OGFOD3: variants seen among roughly 807,000 people sequenced by gnomAD.
OGFOD3 encodes 2-oxoglutarate and iron-dependent oxygenase domain-containing protein 3.
Under a neutral mutation model 39.8 loss-of-function variants are expected in OGFOD3, and 35 were observed. The ratio of observed to expected loss-of-function variants is 0.88; its 90% CI spans 0.67 to 1.17. The LOEUF (loss-of-function observed/expected upper bound fraction) is 1.17, where lower values mean the gene tolerates loss of function less well. Ranked by LOEUF, OGFOD3 falls within the 50% of genes most tolerant of loss-of-function variation. OGFOD3 has a pLI of 0.00. For missense variants in OGFOD3, 438 were observed against 454.5 expected (o/e 0.96, Z 0.33); for synonymous variants, 200 against 192.0 (o/e 1.04, Z -0.34).
chr17:82,398,051 C>T (rs1045941331), intron 8 of OGFOD3, 145 bp downstream of exon 8: 1 of 1,041,998 alleles, frequency 9.6e-7, no homozygotes, highest in Non-Finnish European at 1.4e-6. Flanking sequence ...GGGACTGGCG[C>T]TAGACCTGGG....
Position 82,415,660 on chromosome 17 carries a change from C to G in OGFOD3, c.75-33G>C, listed in dbSNP as rs1353681660. On this transcript the variant is annotated intron_variant, in intron 1 of 8. Coordinates refer to ENST00000313056, the MANE Select transcript of OGFOD3 (RefSeq NM_024648.3). The surrounding 1 kb of genome is among the most constrained non-coding windows in gnomAD (Gnocchi z 5.3). ...CAGAAAACAGGCCACGTCACCCAAA[C>G]ACGGAGTGAGGCCAGAGAAAACGCT... 1 of 1,565,966 alleles carries G rather than the reference C, an allele frequency of 6.4e-7. No individual in the cohort carries two copies. The highest frequency in any genetic ancestry group is 1.4e-5 in the African/African-American group (1 of 73,684).
intron 7 of OGFOD3, among the ~76,000 whole-genome samples, chr17:82,402,427 T>C (rs1168146980): frequency 5.5e-5 from 8 of 144,648 alleles, no homozygotes; most frequent in Non-Finnish European, 9.0e-5. Context: ...AGAACAAGAC[T>C]GTCTCAAAAA....
At chr17:82,418,145 G>A (rs549573274) in intron 1 of OGFOD3, among the ~76,000 whole-genome samples, 2 of 152,344 alleles carry the variant, frequency 1.3e-5, no homozygotes, top group African/African-American at 4.8e-5. Flanking sequence ...CAGCTCATCA[G>A]GCTGGGAGCA....
chr17:82,401,803 C>CAAAAAAA lies in OGFOD3; in HGVS notation c.699+2127_699+2133dup, dbSNP rs79956747. ...TGGGTGGCAGAGCAAGACTCCATCT[C>CAAAAAAA]AAAAAAAAAAAAAAAAAAAACAAAG... is the stretch of plus-strand genomic sequence containing the variant. On this transcript the variant is annotated intron_variant, in intron 7 of 8. Coordinates refer to ENST00000313056, the MANE Select transcript of OGFOD3 (RefSeq NM_024648.3). Among the ~76,000 whole-genome samples the CAAAAAAA allele has an allele frequency of 2.9e-3, 179 of 61,670 alleles. 4 individuals carry two copies. The highest frequency in any genetic ancestry group is 0.01 in the African/African-American group (126 of 12,092). The allele number at this position is 61,670 out of a possible 152,430, so 40.5% of individuals were successfully genotyped here.
Position 82,391,020 on chromosome 17 carries a change from T to C in OGFOD3, c.*1378A>G. 5.6e-6 allele frequency: 1 copy of C among 178,072 alleles called. No individual in the cohort carries two copies. The highest frequency in any genetic ancestry group is 8.6e-5 in the South Asian group (1 of 11,668). The allele number at this position is 178,072 out of a possible 1,614,324, so 11.0% of individuals were successfully genotyped here. ...GGGGCCTCCTCCAGTCAGAGGCACC[T>C]GTGCCAGGGGCTAGGGAACATGGAT... On this transcript the variant is annotated 3_prime_UTR_variant, in exon 9 of 9. Transcript: ENST00000313056. The surrounding 1 kb of genome is among the most constrained non-coding windows in gnomAD (Gnocchi z 5.1).
chr17:82,403,802 C>A, intron 7 of OGFOD3, 135 bp downstream of exon 7: 1 of 1,216,892 alleles, frequency 8.2e-7, no homozygotes, highest in South Asian at 1.3e-5. Context: ...TGCCCACGTA[C>A]GCACTCACCC....
chr17:82,411,421 T>C, intron 3 of OGFOD3, 34 bp downstream of exon 3: 1 of 1,600,030 alleles, frequency 6.2e-7, no homozygotes, highest in Non-Finnish European at 8.6e-7. Flanking sequence ...GTGTGTTTGT[T>C]TGAATCCCAC....
intron 3 of OGFOD3, 119 bp downstream of exon 3, chr17:82,411,336 C>T: frequency 1.1e-6 from 1 of 881,380 alleles, no homozygotes; most frequent in Non-Finnish European, 1.8e-6. Flanking sequence ...CGTGAGCCAC[C>T]ACGCCTGGCA....
At chr17:82,403,846 C>T (rs928834906) in intron 7 of OGFOD3, 91 bp downstream of exon 7, 16 of 1,481,062 alleles carry the variant, frequency 1.1e-5, no homozygotes, top group African/African-American at 2.8e-5. Flanking sequence ...TCCACGAGCG[C>T]GCTCACCCTG....
Position 82,406,365 on chromosome 17 carries a change from A to G in OGFOD3, c.488+53T>C, listed in dbSNP as rs2052855804. The G allele has an allele frequency of 7.2e-6, 11 of 1,527,836 alleles. No homozygotes were observed. The highest frequency in any genetic ancestry group is 1.7e-4 in the Middle Eastern group (1 of 5,920). The allele number at this position is 1,527,836 out of a possible 1,614,324, so 94.6% of individuals were successfully genotyped here. The stretch of plus-strand genomic sequence containing the variant: ...ACATGTCCATGGCTAAGAGGCACGG[A>G]GCCGCTCACTCGGCTTTCAGAGCCA... On this transcript the variant is annotated intron_variant, in intron 5 of 8. Transcript: ENST00000313056. The surrounding 1 kb of genome is among the most constrained non-coding windows in gnomAD (Gnocchi z 5.2).
At chr17:82,416,111 C>T (rs1189324814) in intron 1 of OGFOD3, among the ~76,000 whole-genome samples, 3 of 152,070 alleles carry the variant, frequency 2.0e-5, no homozygotes, top group Non-Finnish European at 2.9e-5. Context: ...TGGCACATGC[C>T]TGTAGTCCCT....
intron 8 of OGFOD3, among the ~76,000 whole-genome samples, chr17:82,395,192 C>T (rs1048077289): frequency 1.1e-4 from 16 of 152,122 alleles, no homozygotes; most frequent in Admixed American, 3.3e-4. Flanking sequence ...CCACCACACC[C>T]GGCTGCTTTT....
chr17:82,410,541 G>A (rs1319840453), intron 3 of OGFOD3, among the ~76,000 whole-genome samples: 1 of 152,054 alleles, frequency 6.6e-6, no homozygotes, highest in African/African-American at 2.4e-5. Context: ...GTGTCCCGGA[G>A]GCTCCGTGGG....
chr17:82,398,169 C>T lies in OGFOD3; in HGVS notation c.823+27G>A, dbSNP rs201164804. On this transcript the variant is annotated intron_variant, in intron 8 of 8. Transcript: ENST00000313056. ...GTGCTTGCCTGAGCCAGGAGCCCCA[C>T]GCCCAGGCCCCGCCCGCGCCTCCTA... The T allele has an allele frequency of 4.7e-4, 764 of 1,613,262 alleles. 1 individual carries two copies. In the Middle Eastern group the frequency reaches 9.8e-3, roughly 21 times the overall value.
intron 7 of OGFOD3, among the ~76,000 whole-genome samples, chr17:82,402,612 T>C (rs2052785243): frequency 6.6e-6 from 1 of 151,934 alleles, no homozygotes; most frequent in African/African-American, 2.4e-5. Context: ...CCGAGCGTGG[T>C]GGCATGTGCC....
At chr17:82,414,629 T>C (rs1457650181) in intron 2 of OGFOD3, among the ~76,000 whole-genome samples, 1 of 152,168 alleles carries the variant, frequency 6.6e-6, no homozygotes, top group Non-Finnish European at 1.5e-5. Flanking sequence ...GTCCCGTCCC[T>C]CCCTGCGGCG....
At chr17:82,407,265 CAAA>C in intron 4 of OGFOD3, among the ~76,000 whole-genome samples, 1 of 139,046 alleles carries the variant, frequency 7.2e-6, no homozygotes. Flanking sequence ...AACTCCATCT[CAAA>C]AAAAAAAAAA....
At position 82,405,306 on chromosome 17, in the gene OGFOD3, C is replaced by G; in HGVS notation, c.545+18G>C. The G allele has an allele frequency of 6.2e-7, 1 of 1,612,476 alleles. No individual in the cohort carries two copies. Among genetic ancestry groups the G allele is most frequent in the South Asian group, 1.1e-5 (1 of 90,992 alleles). On this transcript the variant is annotated intron_variant, in intron 6 of 8. Coordinates refer to ENST00000313056, the MANE Select transcript of OGFOD3 (RefSeq NM_024648.3). ...GCCACCCCGCCTGCGAACCCCCACC[C>G]GCCTCACTCCTCCTTACCGGTATAA...
At chr17:82,403,820 G>A (rs1268626614) in intron 7 of OGFOD3, 117 bp downstream of exon 7, 17 of 1,400,008 alleles carry the variant, frequency 1.2e-5, no homozygotes, top group African/African-American at 2.9e-5. Flanking sequence ...CCCTGCCCAC[G>A]GGCACGCTCA....
Sources: gnomAD v4.1 joint callset for allele counts (sites outside exome capture counted in the v4.1 genomes callset) on GRCh38, gnomAD v4.1.1 for gene constraint, Gnocchi (gnomAD v3.1) non-coding constraint, MANE v1.5 for transcripts, NCBI Gene and HGNC (gene_info 2026-07-23, HGNC 2026-07-21) for gene names.